Variants in KHDRBS2 observed in about 807,000 individuals in gnomAD.
KHDRBS2 encodes the protein KH domain-containing, RNA-binding, signal transduction-associated protein 2.
KHDRBS2 carries 26 observed loss-of-function variants against 44.3 expected under a neutral mutation model. The observed-to-expected ratio is 0.59, with a 90% CI of 0.43 to 0.81. The LOEUF (loss-of-function observed/expected upper bound fraction) is 0.81. Ranked by LOEUF, KHDRBS2 falls within the 40% of genes least tolerant of loss-of-function variation. The pLI, the probability that KHDRBS2 is intolerant of heterozygous loss-of-function variation, is 0.00. For synonymous variants in KHDRBS2, 194 were observed against 151.1 expected (o/e 1.28, Z -2.08); for missense variants, 476 against 433.1 (o/e 1.10, Z -0.88).
At chr6:62,266,377 G>T (rs375277304) in intron 1 of KHDRBS2, among the ~76,000 whole-genome samples, 1 of 151,906 alleles carries the variant, frequency 6.6e-6, no homozygotes, top group African/African-American at 2.4e-5. Context: ...ACATATCAGC[G>T]AATTATTGCC....
chr6:61,771,404 G>A (rs1359100689), intron 6 of KHDRBS2, among the ~76,000 whole-genome samples: 1 of 152,154 alleles, frequency 6.6e-6, no homozygotes, highest in Non-Finnish European at 1.5e-5. Flanking sequence ...ATTGGATAAA[G>A]AGTCAAGACT....
chr6:61,954,933 CATATGTATGTGTATACAT>C (rs371133109), intron 4 of KHDRBS2, among the ~76,000 whole-genome samples: 5,643 of 95,684 alleles, frequency 0.059, 820 homozygotes, highest in Middle Eastern at 0.16. Flanking sequence ...TATACACATA[CATATGTATGTGTATACAT>C]ATATATGTAT....
At chr6:61,709,109 CA>C (rs1340281551) in intron 7 of KHDRBS2, among the ~76,000 whole-genome samples, 57 of 151,646 alleles carry the variant, frequency 3.8e-4, no homozygotes, top group South Asian at 2.5e-3. Flanking sequence ...ATCAGGTGCT[CA>C]ATAACTATTA....
chr6:62,148,716 T>A (rs550245029), intron 2 of KHDRBS2, among the ~76,000 whole-genome samples: 1 of 152,054 alleles, frequency 6.6e-6, no homozygotes, highest in Non-Finnish European at 1.5e-5. Flanking sequence ...AAAGCTCTAT[T>A]AAGTTTCACC....
intron 4 of KHDRBS2, among the ~76,000 whole-genome samples, chr6:61,967,638 C>A (rs1469549371): frequency 6.6e-6 from 1 of 151,694 alleles, no homozygotes; most frequent in Non-Finnish European, 1.5e-5. Flanking sequence ...TGGAGGTAAG[C>A]AAGTCGGTTG....
At chr6:61,944,490 G>C (rs1812801423) in intron 4 of KHDRBS2, among the ~76,000 whole-genome samples, 1 of 152,044 alleles carries the variant, frequency 6.6e-6, no homozygotes, top group South Asian at 2.1e-4. Context: ...AGATACCACA[G>C]GTAGGGAAGG....
chr6:62,229,066 A>T (rs1324951441), intron 1 of KHDRBS2, among the ~76,000 whole-genome samples: 2 of 152,244 alleles, frequency 1.3e-5, no homozygotes, highest in South Asian at 4.1e-4. Context: ...GGGGAAACAC[A>T]ATCATCTGGG....
At chr6:61,989,531 A>G (rs902709140) in intron 3 of KHDRBS2, among the ~76,000 whole-genome samples, 1 of 152,146 alleles carries the variant, frequency 6.6e-6, no homozygotes, top group African/African-American at 2.4e-5. Flanking sequence ...TTGAAAACAC[A>G]TATGTAATGG....
intron 1 of KHDRBS2, among the ~76,000 whole-genome samples, chr6:62,188,788 C>T (rs570742202): frequency 6.6e-6 from 1 of 152,258 alleles, no homozygotes; most frequent in East Asian, 1.9e-4. Context: ...ATTAGAAACA[C>T]TGTGGTTCCC....
the KHDRBS2 span, among the ~76,000 whole-genome samples, chr6:61,623,076 T>A: frequency 1.3e-5 from 2 of 151,904 alleles, no homozygotes; most frequent in Non-Finnish European, 2.9e-5. Flanking sequence ...AGGATAAAAT[T>A]AGATGGACAG....
intron 1 of KHDRBS2, among the ~76,000 whole-genome samples, chr6:62,222,646 T>C (rs1831100528): frequency 6.6e-6 from 1 of 152,078 alleles, no homozygotes; most frequent in Non-Finnish European, 1.5e-5. Context: ...CCCTGGCCCC[T>C]CCCAAATCTC....
intron 1 of KHDRBS2, among the ~76,000 whole-genome samples, chr6:62,183,792 T>A (rs755370488): frequency 3.3e-5 from 5 of 151,718 alleles, no homozygotes; most frequent in Non-Finnish European, 7.4e-5. Flanking sequence ...CAGTATTCAA[T>A]GTTTTTGAAT....
chr6:62,072,481 A>C (rs1361742899), intron 2 of KHDRBS2, among the ~76,000 whole-genome samples: 5 of 152,044 alleles, frequency 3.3e-5, no homozygotes, highest in African/African-American at 7.2e-5. Context: ...GTGGGTTTGT[A>C]ATAGATAGCT....
intron 2 of KHDRBS2, among the ~76,000 whole-genome samples, chr6:62,103,035 A>G (rs1363776999): frequency 6.6e-6 from 1 of 152,030 alleles, no homozygotes; most frequent in African/African-American, 2.4e-5. Flanking sequence ...TGGGGTTTTT[A>G]TGAGCTCAAA....
chr6:61,835,897 A>G (rs1792592840), intron 6 of KHDRBS2, among the ~76,000 whole-genome samples: 1 of 151,942 alleles, frequency 6.6e-6, no homozygotes, highest in Non-Finnish European at 1.5e-5. Context: ...TATTTCCTCA[A>G]CGCTCATGCA....
rs373049430 is a variant in KHDRBS2 at position 61,776,413 on chromosome 6, A to G, written c.811-43649T>C. 1.5e-4 allele frequency among the ~76,000 whole-genome samples: 23 copies of G among 152,200 alleles called. 1 individual carries two copies. In the East Asian group the frequency reaches 2.1e-3, roughly 14 times the overall value. On this transcript the variant is annotated intron_variant, in intron 6 of 8. Transcript: ENST00000281156. ...CTCATCTGACAAAGGGCTAATATCCAGAATCTACAATGAACTCAAACAAAT... is the reference window on the plus strand; with the variant it reads ...CTCATCTGACAAAGGGCTAATATCCGGAATCTACAATGAACTCAAACAAAT...
chr6:61,823,152 C>G (rs1245730888), intron 6 of KHDRBS2, among the ~76,000 whole-genome samples: 1 of 151,900 alleles, frequency 6.6e-6, no homozygotes, highest in Admixed American at 6.6e-5. Flanking sequence ...GACTCAGTTG[C>G]AAAGGGGCCA....
At chr6:62,174,833 T>C (rs1204782077) in intron 2 of KHDRBS2, among the ~76,000 whole-genome samples, 1 of 151,760 alleles carries the variant, frequency 6.6e-6, no homozygotes, top group Non-Finnish European at 1.5e-5. Flanking sequence ...TTTTTTATTA[T>C]AAAAGATTAA....
At chr6:62,130,571 T>C (rs1383472026) in intron 2 of KHDRBS2, among the ~76,000 whole-genome samples, 1 of 151,852 alleles carries the variant, frequency 6.6e-6, no homozygotes, top group Admixed American at 6.6e-5. Flanking sequence ...TTGTTTTTAC[T>C]ATATTAATAT....
Sources: allele counts gnomAD v4.1 joint callset (sites outside exome capture counted in the v4.1 genomes callset), GRCh38; gene constraint gnomAD v4.1.1; transcripts MANE v1.5; gene names NCBI Gene and HGNC (gene_info 2026-07-23, HGNC 2026-07-21).